The following MTA2 variants were observed in gnomAD, a reference collection of about 807,000 sequenced individuals.
The protein encoded by MTA2 is metastasis associated 1 family member 2.
A neutral mutation model predicts 87.1 loss-of-function variants in MTA2; 22 were observed. The ratio of observed to expected loss-of-function variants is 0.25; its 90% confidence interval spans 0.18 to 0.36. MTA2 has a LOEUF of 0.36. Ranked by LOEUF, MTA2 falls within the 10% of genes least tolerant of loss-of-function variation. The probability of loss-of-function intolerance (pLI) is 1.00; values close to 1 mark genes in which losing one functional copy is unlikely to be tolerated. For missense variants in MTA2, 542 were observed against 853.2 expected, an observed-to-expected ratio of 0.64 and a Z score of 4.54; for synonymous variants, 314 against 310.1, an observed-to-expected ratio of 1.01 and a Z score of -0.13.
At chr11:62,598,979 C>T (rs943519421) in intron 3 of MTA2, among the ~76,000 whole-genome samples, 2 of 152,220 alleles carry the variant, frequency 1.3e-5, no homozygotes, top group East Asian at 3.8e-4. Flanking sequence ...GCTAAACCAG[C>T]CTGAGGTCCA....
rs773872583 is a variant in MTA2, at chr11:62,595,354, C to A, written c.1393G>T (p.Ala465Ser). Residue 465 changes from alanine (A) to serine (S), a missense_variant, in exon 14 of 18, where the codon GCC becomes TCC. Transcript: ENST00000278823. This position sits in a 1 kb window ranked among gnomAD's most constrained non-coding sequence, Gnocchi z 4.9. ...AATAGGTCCCTGCACATGCGTCTGGCAAGACGGGTCAGCTTTGTGGTCTGA... is the reference window on the plus strand; with the variant it reads ...AATAGGTCCCTGCACATGCGTCTGGAAAGACGGGTCAGCTTTGTGGTCTGA... ...LLQTTKLTRL[A>S]RRMCRDLLQP... The A allele has an allele frequency of 1.9e-6, 3 of 1,614,224 alleles. No individual in the cohort carries two copies. Among genetic ancestry groups the A allele is most frequent in the South Asian group, 1.1e-5 (1 of 91,084 alleles).
At position 62,601,410 on chromosome 11, in the gene MTA2, G is replaced by C; in HGVS notation, c.28+13C>G. ...CCCGCCCCGGGCCCCGTATCCCTGC[G>C]CCCGGTACTCACCTCCCACCCGGTA... is the stretch of plus-strand genomic sequence containing the variant. On this transcript the variant is annotated intron_variant, in intron 1 of 17. Coordinates refer to ENST00000278823, the MANE Select transcript of MTA2 (RefSeq NM_004739.4). 4 of 1,610,200 alleles carry C rather than the reference G, an allele frequency of 2.5e-6. No homozygotes were observed. Among genetic ancestry groups the C allele is most frequent in the Non-Finnish European group, 3.4e-6 (4 of 1,178,444 alleles).
Position 62,601,822 on chromosome 11 carries a change from T to C in MTA2, c.-372A>G. ...TGCCGGGCCCGCCTCAGGGTTCGCC[T>C]CCTTCCGGAACACCTTCGGCCGATC... On this transcript the variant is annotated 5_prime_UTR_variant, in exon 1 of 18. Coordinates refer to ENST00000278823, the MANE Select transcript of MTA2 (RefSeq NM_004739.4). The C allele has an allele frequency of 2.0e-6, 1 of 498,372 alleles. No individual in the cohort carries two copies. The highest frequency in any genetic ancestry group is 3.5e-6 in the Non-Finnish European group (1 of 286,314). The allele number at this position is 498,372 out of a possible 1,614,324, so 30.9% of individuals were successfully genotyped here.
At position 62,596,083 on chromosome 11, in the gene MTA2, G is replaced by GATCTGGTTA. The variant is rs1341669799; in HGVS notation, c.1032_1040dup (p.Asn345_Ile347dup). 1 of 1,614,168 alleles carries GATCTGGTTA rather than the reference G, an allele frequency of 6.2e-7. No individual in the cohort carries two copies. The highest frequency in any genetic ancestry group is 1.7e-5 in the Admixed American group (1 of 60,024). On this transcript the variant is annotated inframe_insertion, in exon 12 of 18. Coordinates refer to ENST00000278823, the MANE Select transcript of MTA2 (RefSeq NM_004739.4). Reference sequence around the variant, plus strand: ...TGCCAGGTTTTGAACCCACAGAAATGATCTGGTTAGGGTTTGGCTTAGTGC... The same window carrying GATCTGGTTA: ...TGCCAGGTTTTGAACCCACAGAAATGATCTGGTTAATCTGGTTAGGGTTTGGCTTAGTGC...
chr11:62,597,811 T>G, intron 6 of MTA2, 99 bp from the exon 7 acceptor site: 3 of 1,097,496 alleles, frequency 2.7e-6, no homozygotes, highest in Non-Finnish European at 4.1e-6. Flanking sequence ...TTCTTCTGCT[T>G]GGATTCTATC....
chr11:62,595,391 T>C lies in MTA2; in HGVS notation c.1356A>G (p.Gln452=), dbSNP rs531951716. ...NRAKLLAKNR[Q]TFLLQTTKLT... ...GCTTTGTGGTCTGAAGCAGGAAAGT[T>C]TGTCTGTTCTTAGCCAGTAGCTTGG... The change falls in exon 14 of 18, where the codon CAA becomes CAG. Residue 452 remains glutamine (Q), a synonymous_variant. Coordinates refer to ENST00000278823, the MANE Select transcript of MTA2 (RefSeq NM_004739.4). The surrounding 1 kb of genome is among the most constrained non-coding windows in gnomAD (Gnocchi z 4.9). 6 of 1,614,236 alleles carry C rather than the reference T, an allele frequency of 3.7e-6. No homozygotes were observed. In the South Asian group the frequency reaches 4.4e-5, roughly 12 times the overall value.
In MTA2 at chr11:62,600,267, G is replaced by A. The variant is rs749616968; in HGVS notation, c.97-8C>T. ...CACATTTCCATTTGCAGTCTAAGGG[G>A]AGGAAAAAAACAAAAACAAAACAAC... On this transcript the variant is annotated splice_polypyrimidine_tract_variant and splice_region_variant and intron_variant, in intron 2 of 17. Coordinates refer to ENST00000278823, the MANE Select transcript of MTA2 (RefSeq NM_004739.4). 7.4e-6 allele frequency: 12 copies of A among 1,612,702 alleles called. No individual in the cohort carries two copies. In the South Asian group the frequency reaches 1.2e-4, roughly 16 times the overall value.
chr11:62,600,078 G>C (rs1304277495), intron 3 of MTA2, 88 bp downstream of exon 3: 2 of 1,241,794 alleles, frequency 1.6e-6, no homozygotes, highest in East Asian at 4.7e-5. Flanking sequence ...CCTCTGCCTT[G>C]GGCATGCTAC....
rs1942070295 is a variant in MTA2 at position 62,594,496 on chromosome 11, A to G, written c.1692+20T>C. On this transcript the variant is annotated intron_variant, in intron 16 of 17. Coordinates refer to ENST00000278823, the MANE Select transcript of MTA2 (RefSeq NM_004739.4). ...AAGCCCACCCAACTCAATCTGGCCC[A>G]CCCCTTTCTGTCAACTCACAGTCTC... is the stretch of plus-strand genomic sequence containing the variant. 6.2e-7 allele frequency: 1 copy of G among 1,612,830 alleles called. No individual in the cohort carries two copies. The highest frequency in any genetic ancestry group is 1.3e-5 in the African/African-American group (1 of 74,664).
chr11:62,598,742 T>G (rs1347938907), intron 3 of MTA2, 103 bp from the exon 4 acceptor site: 1 of 1,042,126 alleles, frequency 9.6e-7, no homozygotes, highest in Non-Finnish European at 1.5e-6. Flanking sequence ...TGGCTGTTTT[T>G]TTCTCACATT....
intron 17 of MTA2, 88 bp from the exon 18 acceptor site, chr11:62,594,128 T>C (rs1373147501): frequency 3.2e-6 from 5 of 1,553,980 alleles, no homozygotes; most frequent in South Asian, 1.2e-5. Flanking sequence ...TTATGCCTTC[T>C]GGCCCATTCT....
chr11:62,600,788 G>A (rs1433620227), intron 1 of MTA2, 99 bp from the exon 2 acceptor site: 5 of 997,720 alleles, frequency 5.0e-6, no homozygotes, highest in South Asian at 3.0e-5. Flanking sequence ...TGGATCAAAA[G>A]GAGATAAGGA....
Position 62,594,032 on chromosome 11 carries a change from C to T in MTA2, c.1850G>A (p.Arg617Gln), listed in dbSNP as rs1476687964. The T allele has an allele frequency of 4.4e-6, 7 of 1,601,904 alleles. No individual in the cohort carries two copies. Among genetic ancestry groups the T allele is most frequent in the South Asian group, 2.2e-5 (2 of 89,364 alleles). The part of the protein sequence containing the change: ...FVATKDTRAL[R>Q]KALTHLEMRR... ...CATTTCCAGATGGGTCAGAGCCTTCCGTAGGGCCCTGGCCAGAAAGAGCAA... is the reference window on the plus strand; with the variant it reads ...CATTTCCAGATGGGTCAGAGCCTTCTGTAGGGCCCTGGCCAGAAAGAGCAA... Residue 617 changes from arginine to glutamine, a missense_variant, in exon 18 of 18, where the codon CGG (arginine) becomes CAG (glutamine). Arg to Gln is a conservative substitution (Grantham distance 43). Around this residue, in one of 6 missense-constraint regions of MTA2, gnomAD observed 269 missense variants for 346.4 expected, o/e 0.78. Transcript: ENST00000278823.
chr11:62,595,923 A>G lies in MTA2; in HGVS notation c.1115-32T>C, dbSNP rs1590730068. 1.2e-6 allele frequency: 2 copies of G among 1,614,104 alleles called. No homozygotes were observed. The highest frequency in any genetic ancestry group is 8.5e-7 in the Non-Finnish European group (1 of 1,179,998). On this transcript the variant is annotated intron_variant, in intron 12 of 17. Transcript: ENST00000278823. This position sits in a 1 kb window ranked among gnomAD's most constrained non-coding sequence, Gnocchi z 4.9. ...AGTACGGAGAGGAGGGGGACAGGGA[A>G]GAAGCATACTACCTAAGCCCCTCAG... is the stretch of plus-strand genomic sequence containing the variant.
chr11:62,595,334 G>A lies in MTA2; in HGVS notation c.1413C>T (p.Asp471=), dbSNP rs1456184650. Residue 471 remains aspartate, a synonymous_variant, in exon 14 of 18, where the codon GAC becomes GAT. Transcript: ENST00000278823. This position sits in a 1 kb window ranked among gnomAD's most constrained non-coding sequence, Gnocchi z 4.9. ...GGGCGGCCCTCCTTGGCTGTAATAGGTCCCTGCACATGCGTCTGGCAAGAC... is the reference window on the plus strand; with the variant it reads ...GGGCGGCCCTCCTTGGCTGTAATAGATCCCTGCACATGCGTCTGGCAAGAC... ...LTRLARRMCR[D]LLQPRRAARR... 8.1e-6 allele frequency: 13 copies of A among 1,614,216 alleles called. No homozygotes were observed. Among genetic ancestry groups the A allele is most frequent in the South Asian group, 1.1e-5 (1 of 91,090 alleles).
chr11:62,597,916 C>T, intron 6 of MTA2, 108 bp downstream of exon 6: 2 of 1,093,710 alleles, frequency 1.8e-6, no homozygotes, highest in Non-Finnish European at 2.8e-6. Flanking sequence ...GCCCTGCAGA[C>T]AGTGCACTGC....
Position 62,601,547 on chromosome 11 carries a change from C to G in MTA2, c.-97G>C. ...GGCAAAGCCCCGAACGGTGGGCTGCCGCTTCGAGGGAGTCTCACTGGGGCC... is the reference window on the plus strand; with the variant it reads ...GGCAAAGCCCCGAACGGTGGGCTGCGGCTTCGAGGGAGTCTCACTGGGGCC... On this transcript the variant is annotated 5_prime_UTR_variant, in exon 1 of 18. Transcript: ENST00000278823. 5 of 1,424,646 alleles carry G rather than the reference C, an allele frequency of 3.5e-6. No homozygotes were observed. The highest frequency in any genetic ancestry group is 4.7e-6 in the Non-Finnish European group (5 of 1,060,096). The allele number at this position is 1,424,646 out of a possible 1,614,324, so 88.3% of individuals were successfully genotyped here.
rs1053528539 is a variant in MTA2 at position 62,595,160 on chromosome 11, C to G, written c.1484-90G>C. 2.2e-5 allele frequency: 34 copies of G among 1,540,278 alleles called. No individual in the cohort carries two copies. Among genetic ancestry groups the G allele is most frequent in the Admixed American group, 3.6e-5 (2 of 56,294 alleles). On this transcript the variant is annotated intron_variant, in intron 14 of 17. Transcript: ENST00000278823. This position sits in a 1 kb window ranked among gnomAD's most constrained non-coding sequence, Gnocchi z 4.9. ...CCAACTCTAATCTTAAAAAAATTAT[C>G]TGTGGCCTACTATCCCTCCTGTTAT...
intron 15 of MTA2, among the ~76,000 whole-genome samples, 158 bp downstream of exon 15, chr11:62,594,823 T>C (rs1261956621): frequency 1.3e-5 from 2 of 152,190 alleles, no homozygotes; most frequent in Non-Finnish European, 2.9e-5. Flanking sequence ...ACAGTAATAC[T>C]GAATAGTTTA....
Sources: allele counts gnomAD v4.1 joint callset (sites outside exome capture counted in the v4.1 genomes callset), GRCh38; gene constraint gnomAD v4.1.1; regional missense constraint gnomAD v4.1.1; non-coding constraint Gnocchi (gnomAD v3.1); transcripts MANE v1.5; gene names NCBI Gene and HGNC (gene_info 2026-07-23, HGNC 2026-07-21).